Variants in ACSM2B observed in about 807,000 individuals in gnomAD.
ACSM2B encodes the protein acyl-coenzyme A synthetase ACSM2B, mitochondrial.
A neutral mutation model predicts 78.6 loss-of-function variants in ACSM2B; 58 were observed. That is an observed-to-expected ratio of 0.74 (90% CI 0.60 to 0.92). The LOEUF is 0.92. ACSM2B is among the 40% of genes least tolerant of loss of function. The probability of loss-of-function intolerance (pLI) is 0.00; values close to 1 mark genes in which losing one functional copy is unlikely to be tolerated. For synonymous variants in ACSM2B, 257 were observed against 256.8 expected, an observed-to-expected ratio of 1.00 and a Z score of -0.01; for missense variants, 688 against 711.2, an observed-to-expected ratio of 0.97 and a Z score of 0.37.
In ACSM2B at chr16:20,559,855, C is replaced by T. The variant is rs528201103; in HGVS notation, c.178-408G>A. Among the ~76,000 whole-genome samples, 241 of 151,092 alleles carry T rather than the reference C, an allele frequency of 1.6e-3. 3 individuals are homozygous for T. Among genetic ancestry groups the T allele is most frequent in the Non-Finnish European group, 2.4e-3 (162 of 67,998 alleles). Reference sequence around the variant, plus strand: ...GTAGAATAACATTGGATCCTCTCATCTGATTCTGCATTCACTCTGTTGTGA... The same window carrying T: ...GTAGAATAACATTGGATCCTCTCATTTGATTCTGCATTCACTCTGTTGTGA... On this transcript the variant is annotated intron_variant, in intron 2 of 13. Transcript: ENST00000329697.
At position 20,540,637 on chromosome 16, in the gene ACSM2B, G is replaced by C. The variant is rs182833074; in HGVS notation, c.1629+17C>G. On this transcript the variant is annotated intron_variant, in intron 13 of 13. Transcript: ENST00000329697. The stretch of plus-strand genomic sequence containing the variant: ...TATTTCTCAAGTTTGAGTGACTTGG[G>C]AGCTCAAAGGCCTTACCTTTCTTGG... 8.8e-4 allele frequency: 1,425 copies of C among 1,612,066 alleles called. 20 individuals are homozygous for C. In the East Asian group the frequency reaches 0.025, roughly 28 times the overall value.
intron 1 of ACSM2B, among the ~76,000 whole-genome samples, chr16:20,569,561 T>C (rs1301006052): frequency 6.6e-6 from 1 of 152,008 alleles, no homozygotes; most frequent in African/African-American, 2.4e-5. Flanking sequence ...GATGACTCTT[T>C]TTTTGGTTCC....
chr16:20,564,296 C>T (rs921353493), intron 2 of ACSM2B, among the ~76,000 whole-genome samples: 23 of 151,706 alleles, frequency 1.5e-4, no homozygotes, highest in African/African-American at 3.6e-4. Flanking sequence ...GACAGAGTCT[C>T]GCTGTGTTGC....
In ACSM2B at chr16:20,566,831, A is replaced by T. The variant is rs1369448757; in HGVS notation, c.-8-1978T>A. ...ATTTTTATACATTTTTATATCTTTT[A>T]TATATATACTATATATAGACACACT... On this transcript the variant is annotated intron_variant, in intron 1 of 13. Coordinates refer to ENST00000329697, the MANE Select transcript of ACSM2B (RefSeq NM_001105069.2). Among the ~76,000 whole-genome samples the T allele has an allele frequency of 2.6e-5, 3 of 117,298 alleles. No homozygotes were observed. In the Admixed American group the frequency reaches 3.6e-4, roughly 14 times the overall value. The allele number at this position is 117,298 out of a possible 152,430, so 77.0% of individuals were successfully genotyped here.
chr16:20,569,368 G>T (rs2016029019), intron 1 of ACSM2B, among the ~76,000 whole-genome samples: 1 of 151,874 alleles, frequency 6.6e-6, no homozygotes, highest in East Asian at 1.9e-4. Flanking sequence ...AAGATAAGTT[G>T]ACTGTAAATA....
rs778258655 is a variant in ACSM2B, at chr16:20,536,291, C to T, written c.*967G>A. 20 of 152,016 alleles carry T rather than the reference C, an allele frequency of 1.3e-4. No individual in the cohort carries two copies. The highest frequency in any genetic ancestry group is 2.6e-4 in the Non-Finnish European group (18 of 68,016). The allele number at this position is 152,016 out of a possible 1,614,324, so 9.4% of individuals were successfully genotyped here. ...TTTAAAATTATTTTAATATTTGATT[C>T]TAGGAAGAGTAGATAACACCAAAAA... On this transcript the variant is annotated 3_prime_UTR_variant, in exon 14 of 14. Coordinates refer to ENST00000329697, the MANE Select transcript of ACSM2B (RefSeq NM_001105069.2).
chr16:20,553,717 T>G, intron 5 of ACSM2B, 60 bp downstream of exon 5: 1 of 1,579,098 alleles, frequency 6.3e-7, no homozygotes, highest in Non-Finnish European at 8.6e-7. Flanking sequence ...GGATTTGAAC[T>G]CAGAAACGTC....
intron 10 of ACSM2B, 145 bp from the exon 11 acceptor site, chr16:20,543,407 A>G: frequency 2.0e-6 from 3 of 1,496,796 alleles, no homozygotes; most frequent in Non-Finnish European, 1.8e-6. Flanking sequence ...GCCCTGAACC[A>G]GCCAACCCTA....
intron 2 of ACSM2B, among the ~76,000 whole-genome samples, chr16:20,560,686 T>A (rs1468524317): frequency 6.6e-6 from 1 of 151,996 alleles, no homozygotes; most frequent in East Asian, 1.9e-4. Context: ...TAAAGATACC[T>A]GAAAATGTAG....
chr16:20,548,591 C>A, intron 6 of ACSM2B, 118 bp from the exon 7 acceptor site: 1 of 1,571,210 alleles, frequency 6.4e-7, no homozygotes, highest in Middle Eastern at 1.8e-4. Context: ...AAAACCCTAG[C>A]TTGTTTACTA....
intron 8 of ACSM2B, 125 bp downstream of exon 8, chr16:20,547,937 C>T (rs1351684996): frequency 2.3e-5 from 35 of 1,539,782 alleles, no homozygotes; most frequent in South Asian, 1.8e-4. Flanking sequence ...TGTCCCTTCA[C>T]AGAGGCTCAA....
At chr16:20,567,169 T>A (rs1485306873) in intron 1 of ACSM2B, among the ~76,000 whole-genome samples, 1 of 134,070 alleles carries the variant, frequency 7.5e-6, no homozygotes, top group Non-Finnish European at 1.6e-5. Context: ...TTATATATTA[T>A]ATATAATACT....
rs1281637642 is a variant in ACSM2B at position 20,559,397 on chromosome 16, C to T, written c.228G>A (p.Gly76=). 7.4e-6 allele frequency: 12 copies of T among 1,613,058 alleles called. No homozygotes were observed. The South Asian group carries it at 7.7e-5, about 10-fold the overall frequency. The change falls in exon 3 of 14, where the codon GGG becomes GGA. Residue 76 remains glycine (G), a synonymous_variant. Transcript: ENST00000329697. ...CTCTGAAATTCCACATTAATTCCTTCCCCTTCCCATTCACCCACCACAGGG... is the reference window on the plus strand; with the variant it reads ...CTCTGAAATTCCACATTAATTCCTTTCCCTTCCCATTCACCCACCACAGGG... The part of the protein sequence containing the change: ...SPALWWVNGK[G]KELMWNFREL...
intron 6 of ACSM2B, among the ~76,000 whole-genome samples, chr16:20,550,157 A>C (rs2015265666): frequency 1.3e-5 from 2 of 152,146 alleles, no homozygotes; most frequent in Non-Finnish European, 2.9e-5. Context: ...GATGGTTGGG[A>C]GGATGGGGCC....
chr16:20,543,240 G>C lies in ACSM2B; in HGVS notation c.1304C>G (p.Ala435Gly). ...GYVENPDKTAANIRGDFWLLG... is the reference protein window; with the variant it reads ...GYVENPDKTAGNIRGDFWLLG... ...GAGCCAAAAGTCTCCTCGAATGTTG[G>C]CTGCTGTCTTGTCGGGATTTTCCTG... Residue 435 changes from alanine (A) to glycine (G), a missense_variant, in exon 11 of 14, where the codon GCC becomes GGC. Physicochemically the swap from Ala to Gly is moderately conservative, Grantham distance 60. Coordinates refer to ENST00000329697, the MANE Select transcript of ACSM2B (RefSeq NM_001105069.2). 6.2e-7 allele frequency: 1 copy of C among 1,613,566 alleles called. No homozygotes were observed. Among genetic ancestry groups the C allele is most frequent in the South Asian group, 1.1e-5 (1 of 91,070 alleles).
At chr16:20,553,191 T>C (rs2015371583) in intron 5 of ACSM2B, among the ~76,000 whole-genome samples, 1 of 152,176 alleles carries the variant, frequency 6.6e-6, no homozygotes, top group South Asian at 2.1e-4. Context: ...AATAATAAAA[T>C]TAACATGGAA....
chr16:20,568,125 A>G (rs989597189), intron 1 of ACSM2B, among the ~76,000 whole-genome samples: 1 of 143,484 alleles, frequency 7.0e-6, no homozygotes, highest in Non-Finnish European at 1.5e-5. Context: ...TATTATATAT[A>G]TGTTATACGT....
At chr16:20,537,684 C>T (rs115694356) in intron 13 of ACSM2B, among the ~76,000 whole-genome samples, 8,628 of 152,278 alleles carry the variant, frequency 0.057, 772 homozygotes, top group African/African-American at 0.19. Context: ...ATCTGGCTTT[C>T]GCCAGGTCCT....
At chr16:20,567,903 A>T (rs1215674765) in intron 1 of ACSM2B, among the ~76,000 whole-genome samples, 1 of 143,140 alleles carries the variant, frequency 7.0e-6, no homozygotes, top group Non-Finnish European at 1.5e-5. Context: ...GTGGCTATAT[A>T]TAGTATATAT....
Sources: allele counts gnomAD v4.1 joint callset (sites outside exome capture counted in the v4.1 genomes callset), GRCh38; gene constraint gnomAD v4.1.1; transcripts MANE v1.5; gene names NCBI Gene and HGNC (gene_info 2026-07-23, HGNC 2026-07-21).